The following CFAP206 variants were observed in gnomAD, a reference collection of about 807,000 sequenced individuals.
CFAP206 encodes the protein cilia and flagella associated protein 206.
A neutral mutation model predicts 65.4 loss-of-function variants in CFAP206; 53 were observed. The ratio of observed to expected loss-of-function variants is 0.81; its 90% CI spans 0.65 to 1.02. The LOEUF (loss-of-function observed/expected upper bound fraction) is 1.02, where lower values mean the gene tolerates loss of function less well. Among genes scored for constraint, CFAP206 ranks in the 50% least tolerant of loss-of-function variants. CFAP206 has a pLI of 0.00. For synonymous variants in CFAP206, 250 were observed against 254.4 expected (o/e 0.98, Z 0.17); for missense variants, 663 against 753.2 (o/e 0.88, Z 1.40).
chr6:87,464,133 GGA>G lies in CFAP206; in HGVS notation c.1753_1754del (p.Glu585ArgfsTer25). On this transcript the variant is annotated frameshift_variant, in exon 13 of 13. Coordinates refer to ENST00000369562, the MANE Select transcript of CFAP206 (RefSeq NM_001031743.3). LOFTEE classifies it high-confidence loss of function. ...AGGACACTAGCACCCAGTCCATGAG[GGA>G]AGACAGCACTGGGGTGCCCAGGCCT... Reference protein sequence around the residue: ...PKDTSTQSMREDSTGVPRPQI... With the variant: ...PKDTSTQSMRXDSTGVPRPQI... The G allele has an allele frequency of 8.1e-6, 13 of 1,614,160 alleles. No homozygotes were observed. Among genetic ancestry groups the G allele is most frequent in the Non-Finnish European group, 9.3e-6 (11 of 1,180,024 alleles).
intron 2 of CFAP206, 104 bp downstream of exon 2, chr6:87,410,051 C>T: frequency 2.6e-6 from 2 of 781,032 alleles, no homozygotes; most frequent in Non-Finnish European, 4.2e-6. Context: ...AAATGTTTTT[C>T]AGTTGAAGCA....
At chr6:87,411,962 G>A (rs117313106) in intron 3 of CFAP206, among the ~76,000 whole-genome samples, 2,251 of 152,308 alleles carry the variant, frequency 0.015, 30 homozygotes, top group Non-Finnish European at 0.021. Context: ...CTTGTTCTTA[G>A]CAATAGGGGA....
At position 87,418,298 on chromosome 6, in the gene CFAP206, C is replaced by T. The variant is rs1452052996; in HGVS notation, c.722C>T (p.Thr241Ile). The change falls in exon 7 of 13, where the codon ACA becomes ATA. Residue 241 changes from threonine (T) to isoleucine (I), a missense_variant. Transcript: ENST00000369562. ...GCCCGGAGCCAGGTATACCGCTACA[C>T]AGCCATCCTTGAGAAGGCAGCCAAC... ...ETARSQVYRY[T>I]AILEKAANDP... is the part of the protein sequence containing the mutation. 1.2e-6 allele frequency: 2 copies of T among 1,614,126 alleles called. No homozygotes were observed. Among genetic ancestry groups the T allele is most frequent in the Non-Finnish European group, 1.7e-6 (2 of 1,180,002 alleles).
At chr6:87,461,574 C>A (rs1394777525) in intron 12 of CFAP206, among the ~76,000 whole-genome samples, 1 of 152,024 alleles carries the variant, frequency 6.6e-6, no homozygotes, top group African/African-American at 2.4e-5. Context: ...TTCTCAGTCA[C>A]CTTAATTACA....
chr6:87,428,931 T>A, intron 9 of CFAP206, 107 bp downstream of exon 9: 1 of 1,127,072 alleles, frequency 8.9e-7, no homozygotes, highest in Non-Finnish European at 1.3e-6. Flanking sequence ...GCATTAAACA[T>A]TTTTCTTGAT....
At chr6:87,451,352 C>T (rs1213213202) in intron 11 of CFAP206, among the ~76,000 whole-genome samples, 1 of 152,002 alleles carries the variant, frequency 6.6e-6, no homozygotes, top group Non-Finnish European at 1.5e-5. Flanking sequence ...AATAAAGCTC[C>T]AAGCAGAGTC....
chr6:87,454,287 T>G (rs1768598428), intron 11 of CFAP206, among the ~76,000 whole-genome samples: 1 of 152,194 alleles, frequency 6.6e-6, no homozygotes, highest in Non-Finnish European at 1.5e-5. Flanking sequence ...CAATAATAGC[T>G]GGAGACTTCA....
In CFAP206 at chr6:87,436,676, C is replaced by T. The variant is rs149590818; in HGVS notation, c.1494+1623C>T. 6.4e-3 allele frequency: 973 copies of T among 152,428 alleles called. 10 individuals carry two copies. Among genetic ancestry groups the T allele is most frequent in the South Asian group, 0.028 (137 of 4,830 alleles). The allele number at this position is 152,428 out of a possible 1,614,324, so 9.4% of individuals were successfully genotyped here. ...TTCTGACATTGTGTTATTCTGACAT[C>T]GTGATGACATCGTTGATGTAGCACT... On this transcript the variant is annotated intron_variant, in intron 11 of 12. Coordinates refer to ENST00000369562, the MANE Select transcript of CFAP206 (RefSeq NM_001031743.3).
chr6:87,449,765 T>G (rs1768509096), intron 11 of CFAP206, among the ~76,000 whole-genome samples: 1 of 152,198 alleles, frequency 6.6e-6, no homozygotes, highest in African/African-American at 2.4e-5. Flanking sequence ...TTTCTCCCAT[T>G]CTGTAGGTTG....
intron 11 of CFAP206, chr6:87,442,124 T>G (rs974371524): frequency 6.1e-6 from 1 of 163,686 alleles, no homozygotes; most frequent in African/African-American, 2.4e-5. Context: ...CTAGGTCCCA[T>G]TGAAAAACTG....
chr6:87,415,355 A>G (rs1767807479), intron 4 of CFAP206, among the ~76,000 whole-genome samples: 1 of 149,994 alleles, frequency 6.7e-6, no homozygotes, highest in Non-Finnish European at 1.5e-5. Context: ...TAAAATATAT[A>G]ATATATATTT....
intron 11 of CFAP206, among the ~76,000 whole-genome samples, chr6:87,455,898 A>G (rs533435093): frequency 6.6e-6 from 1 of 152,208 alleles, no homozygotes; most frequent in Non-Finnish European, 1.5e-5. Context: ...CCAGGGACCC[A>G]GTGGCTTCAC....
intron 5 of CFAP206, 50 bp from the exon 6 acceptor site, chr6:87,416,619 C>G (rs1767833613): frequency 6.6e-7 from 1 of 1,512,606 alleles, no homozygotes; most frequent in Admixed American, 2.2e-5. Flanking sequence ...CGTCTGATAT[C>G]TTTATTCTAT....
chr6:87,450,665 C>T (rs890278337), intron 11 of CFAP206, among the ~76,000 whole-genome samples: 5 of 151,600 alleles, frequency 3.3e-5, no homozygotes, highest in Admixed American at 3.3e-4. Flanking sequence ...GTGATCATCC[C>T]CCGACAGGAA....
At chr6:87,408,606 G>A (rs2127946071) in intron 1 of CFAP206, 1 of 151,816 alleles carries the variant, frequency 6.6e-6, no homozygotes, top group East Asian at 1.9e-4. Flanking sequence ...CAGATCCGGA[G>A]CGCGACGGAC....
chr6:87,412,193 A>T (rs532940320), intron 3 of CFAP206, among the ~76,000 whole-genome samples: 19 of 152,352 alleles, frequency 1.2e-4, no homozygotes, highest in African/African-American at 4.6e-4. Flanking sequence ...TTTTTTTCTC[A>T]ACTAAAAATC....
At chr6:87,448,593 C>G (rs769805902) in intron 11 of CFAP206, among the ~76,000 whole-genome samples, 5 of 152,104 alleles carry the variant, frequency 3.3e-5, no homozygotes, top group Non-Finnish European at 7.4e-5. Flanking sequence ...CCCTAGAACA[C>G]TAGAACTTAT....
rs764849233 is a variant in CFAP206, at chr6:87,431,010, TTTC to T, written c.1160-15_1160-13del. On this transcript the variant is annotated intron_variant, in intron 9 of 12. Transcript: ENST00000369562. ...TTAACCTTCTCACTGAATTAAAGCT[TTTC>T]TTCTTCTCCTTCATTTTAGAAGATA... is the stretch of plus-strand genomic sequence containing the variant. 85 of 1,609,276 alleles carry T rather than the reference TTTC, an allele frequency of 5.3e-5. No individual in the cohort carries two copies. The highest frequency in any genetic ancestry group is 6.8e-5 in the Non-Finnish European group (80 of 1,177,410).
At chr6:87,459,795 G>T (rs896800689) in intron 11 of CFAP206, among the ~76,000 whole-genome samples, 1 of 152,154 alleles carries the variant, frequency 6.6e-6, no homozygotes, top group Non-Finnish European at 1.5e-5. Flanking sequence ...TCAGACGACT[G>T]GAAAGGTATG....
Sources: gnomAD v4.1 joint callset for allele counts (sites outside exome capture counted in the v4.1 genomes callset) on GRCh38, gnomAD v4.1.1 for gene constraint, MANE v1.5 for transcripts, NCBI Gene and HGNC (gene_info 2026-07-23, HGNC 2026-07-21) for gene names.